COL14A1: variants seen among roughly 807,000 people sequenced by gnomAD.
The protein encoded by COL14A1 is collagen alpha-1(XIV) chain.
Under a neutral mutation model 230.3 loss-of-function variants are expected in COL14A1, and 136 were observed. The observed-to-expected ratio is 0.59, with a 90% CI of 0.51 to 0.68. The LOEUF (loss-of-function observed/expected upper bound fraction) is 0.68, where lower values mean the gene tolerates loss of function less well. Ranked by LOEUF, COL14A1 falls within the 30% of genes least tolerant of loss-of-function variation. The pLI is 0.00. For missense variants in COL14A1, 1,976 were observed against 2,215.8 expected (o/e 0.89, Z 2.17); for synonymous variants, 792 against 784.1 (o/e 1.01, Z -0.17).
At chr8:120,166,621 T>G (rs1237470293) in intron 4 of COL14A1, among the ~76,000 whole-genome samples, 1 of 152,160 alleles carries the variant, frequency 6.6e-6, no homozygotes, top group African/African-American at 2.4e-5. Context: ...ATGCAAGTAA[T>G]TTGGGGTGAC....
At chr8:120,238,403 A>G (rs1818512023) in intron 19 of COL14A1, among the ~76,000 whole-genome samples, 2 of 152,130 alleles carry the variant, frequency 1.3e-5, no homozygotes, top group South Asian at 4.1e-4. Flanking sequence ...CTTTGTTTAC[A>G]CTGTGAGGGG....
At chr8:120,289,879 G>T (rs886852036) in intron 34 of COL14A1, 113 bp downstream of exon 34, 1 of 1,084,540 alleles carries the variant, frequency 9.2e-7, no homozygotes, top group East Asian at 2.5e-5. Flanking sequence ...TGGATAAATG[G>T]ATGGATGAAT....
At chr8:120,247,884 G>A in intron 21 of COL14A1, 149 bp downstream of exon 21, 1 of 979,290 alleles carries the variant, frequency 1.0e-6, no homozygotes, top group Non-Finnish European at 1.5e-6. Context: ...GAAAAATAAA[G>A]TGTTTTAGTA....
chr8:120,229,089 T>TTTTTCTTTTA (rs1554611479), intron 18 of COL14A1, among the ~76,000 whole-genome samples: 4 of 137,424 alleles, frequency 2.9e-5, no homozygotes, highest in African/African-American at 1.1e-4. Context: ...TTTTTTTTTC[T>TTTTTCTTTTA]TTTTATTTTA....
At position 120,314,059 on chromosome 8, in the gene COL14A1, T is replaced by C; in HGVS notation, c.4551+32T>C. The C allele has an allele frequency of 2.1e-6, 3 of 1,442,820 alleles. No individual in the cohort carries two copies. In the South Asian group the frequency reaches 3.7e-5, roughly 18 times the overall value. 89.4% of individuals were successfully genotyped at this position (1,442,820 alleles called of 1,614,324 possible). On this transcript the variant is annotated intron_variant, in intron 38 of 47. Coordinates refer to ENST00000297848, the MANE Select transcript of COL14A1 (RefSeq NM_021110.4). The stretch of plus-strand genomic sequence containing the variant: ...TGTGTTCAAACATTCAGACGGGTTT[T>C]ATTGTTATCTCTTTTCCATGAGGTT...
intron 19 of COL14A1, among the ~76,000 whole-genome samples, chr8:120,235,860 T>C (rs1309395523): frequency 6.6e-6 from 1 of 152,178 alleles, no homozygotes; most frequent in South Asian, 2.1e-4. Context: ...ATTTCTGCCT[T>C]GATTTTGTTA....
At chr8:120,315,450 CTATT>C in intron 38 of COL14A1, 79 bp from the exon 39 acceptor site, 1 of 999,578 alleles carries the variant, frequency 1.0e-6, no homozygotes, top group Non-Finnish European at 1.5e-6. Flanking sequence ...ACTGTGGAAA[CTATT>C]TAAATAATGA....
intron 47 of COL14A1, chr8:120,370,473 G>C (rs1450264429): frequency 6.5e-7 from 1 of 1,535,664 alleles, no homozygotes; most frequent in Admixed American, 2.0e-5. Context: ...CCTAACAATG[G>C]ACACTCTGCT....
At chr8:120,327,823 G>A (rs1821734065) in intron 40 of COL14A1, among the ~76,000 whole-genome samples, 1 of 150,188 alleles carries the variant, frequency 6.7e-6, no homozygotes, top group South Asian at 2.1e-4. Context: ...GGAGTGCAGT[G>A]GTGCAATCTT....
chr8:120,227,111 CCTTGGAGTTCTTTATGATT>C (rs1414983988), intron 16 of COL14A1, 90 bp from the exon 17 acceptor site: 3 of 1,261,628 alleles, frequency 2.4e-6, no homozygotes, highest in Non-Finnish European at 2.2e-6. Context: ...ACTTCGACAG[CCTTGGAGTTCTTTATGATT>C]GGTTGTTTCT....
intron 5 of COL14A1, among the ~76,000 whole-genome samples, chr8:120,180,798 C>T (rs1242924502): frequency 6.6e-6 from 1 of 151,274 alleles, no homozygotes; most frequent in South Asian, 2.1e-4. Context: ...GCCTCCACCT[C>T]CTGAGTTCAA....
At chr8:120,292,486 A>G (rs375022290) in intron 34 of COL14A1, among the ~76,000 whole-genome samples, 18 of 152,276 alleles carry the variant, frequency 1.2e-4, no homozygotes, top group African/African-American at 4.1e-4. Context: ...GATTATGTTG[A>G]AATGAATGTA....
At chr8:120,299,853 A>G (rs771178226) in intron 35 of COL14A1, among the ~76,000 whole-genome samples, 36 of 152,228 alleles carry the variant, frequency 2.4e-4, no homozygotes, top group South Asian at 4.1e-4. Context: ...TTGGCAATTT[A>G]ACTGTCATCT....
intron 1 of COL14A1, among the ~76,000 whole-genome samples, chr8:120,143,591 A>G (rs755146072): frequency 6.6e-6 from 1 of 152,202 alleles, no homozygotes; most frequent in Admixed American, 6.5e-5. Flanking sequence ...AGATCGCACC[A>G]CTGCACTCCA....
At chr8:120,323,363 G>A (rs183091724) in intron 40 of COL14A1, among the ~76,000 whole-genome samples, 5 of 151,950 alleles carry the variant, frequency 3.3e-5, no homozygotes, top group Admixed American at 3.3e-4. Flanking sequence ...CCATTCTGAA[G>A]GTTGTCTCTT....
chr8:120,188,014 A>G (rs1330452171), intron 5 of COL14A1, among the ~76,000 whole-genome samples: 1 of 152,150 alleles, frequency 6.6e-6, no homozygotes. Flanking sequence ...AAATGGGAAT[A>G]ATAGTAATGG....
Position 120,208,262 on chromosome 8 carries a change from G to A in COL14A1, c.1222G>A (p.Val408Met), listed in dbSNP as rs1243739660. The A allele has an allele frequency of 6.2e-7, 1 of 1,613,408 alleles. No homozygotes were observed. Residue 408 changes from valine to methionine, a missense_variant, in exon 11 of 48, where the codon GTG (valine) becomes ATG (methionine). Physicochemically the swap from Val to Met is conservative, Grantham distance 21. This residue lies in a region of COL14A1 where 1,791 missense variants were observed against 2,019.5 expected (regional missense o/e 0.89). Coordinates refer to ENST00000297848, the MANE Select transcript of COL14A1 (RefSeq NM_021110.4). ...GGTAGATGGAACTGTATCTTCCACAGTGTTGAAAAACTTGATGTCTTTAAC... is the reference window on the plus strand; with the variant it reads ...GGTAGATGGAACTGTATCTTCCACAATGTTGAAAAACTTGATGTCTTTAAC... ...VVVDGTVSST[V>M]LKNLMSLTEY...
Position 120,208,701 on chromosome 8 carries a change from G to GA in COL14A1, c.1321+346dup, listed in dbSNP as rs549030092. 9.2e-5 allele frequency among the ~76,000 whole-genome samples: 14 copies of GA among 152,230 alleles called. No individual in the cohort carries two copies. In the South Asian group the frequency reaches 2.7e-3, roughly 29 times the overall value. ...CCTTGAATTTGTCAGTAGAAGTAGA[G>GA]AAAAAACTCCATAGCTCTCCCGCCC... is the stretch of plus-strand genomic sequence containing the variant. On this transcript the variant is annotated intron_variant, in intron 11 of 47. Coordinates refer to ENST00000297848, the MANE Select transcript of COL14A1 (RefSeq NM_021110.4).
chr8:120,130,381 A>G (rs1478954649), intron 1 of COL14A1, among the ~76,000 whole-genome samples: 1 of 151,948 alleles, frequency 6.6e-6, no homozygotes, highest in East Asian at 1.9e-4. Context: ...CTGCCTTTAT[A>G]CTGTTTTCTT....
Sources: gnomAD v4.1 joint callset for allele counts (sites outside exome capture counted in the v4.1 genomes callset) on GRCh38, gnomAD v4.1.1 for gene constraint, gnomAD v4.1.1 regional missense constraint, MANE v1.5 for transcripts, NCBI Gene and HGNC (gene_info 2026-07-23, HGNC 2026-07-21) for gene names.